The following MUSK variants were observed in gnomAD, a reference collection of about 807,000 sequenced individuals.
The protein encoded by MUSK is muscle, skeletal receptor tyrosine-protein kinase.
Under a neutral mutation model 88.7 loss-of-function variants are expected in MUSK, and 55 were observed. The observed-to-expected ratio is 0.62, with a 90% confidence interval of 0.50 to 0.78. The LOEUF is 0.78. Among genes scored for constraint, MUSK ranks in the 30% least tolerant of loss-of-function variants. The probability of loss-of-function intolerance (pLI) is 0.00; values close to 1 mark genes in which losing one functional copy is unlikely to be tolerated. For missense variants in MUSK, 1,015 were observed against 1,074.3 expected, an observed-to-expected ratio of 0.94 and a Z score of 0.77; for synonymous variants, 387 against 391.9, an observed-to-expected ratio of 0.99 and a Z score of 0.15.
intron 12 of MUSK, among the ~76,000 whole-genome samples, chr9:110,785,261 G>A (rs1281283359): frequency 6.6e-6 from 1 of 152,162 alleles, no homozygotes; most frequent in Non-Finnish European, 1.5e-5. Flanking sequence ...ATAATTTGGA[G>A]GAAAATGGCT....
intron 7 of MUSK, among the ~76,000 whole-genome samples, chr9:110,755,991 T>TAC (rs1587997267): frequency 2.5e-5 from 3 of 119,696 alleles, no homozygotes; most frequent in South Asian, 2.8e-4. Flanking sequence ...TATATATATA[T>TAC]ATATATGAAT....
rs2131955302 is a variant in MUSK at position 110,767,813 on chromosome 9, C to T, written c.921-7C>T. On this transcript the variant is annotated splice_polypyrimidine_tract_variant and splice_region_variant and intron_variant, in intron 8 of 14. Coordinates refer to ENST00000374448, the MANE Select transcript of MUSK (RefSeq NM_005592.4). The stretch of plus-strand genomic sequence containing the variant: ...TGATTAGAAATGTTGTTCATTTCTT[C>T]TTTCAGTAAACCACAGAAAGATAAC... 1 of 1,613,808 alleles carries T rather than the reference C, an allele frequency of 6.2e-7. No homozygotes were observed. Among genetic ancestry groups the T allele is most frequent in the Admixed American group, 1.7e-5 (1 of 60,010 alleles).
chr9:110,697,185 T>A (rs1199317079), intron 4 of MUSK, 140 bp from the exon 5 acceptor site: 8 of 816,960 alleles, frequency 9.8e-6, no homozygotes, highest in Non-Finnish European at 1.4e-5. Flanking sequence ...TTGTATGTTT[T>A]ACATAATAAG....
At chr9:110,734,130 C>A in intron 5 of MUSK, 121 bp from the exon 6 acceptor site, 2 of 1,147,288 alleles carry the variant, frequency 1.7e-6, no homozygotes, top group Non-Finnish European at 1.2e-6. Context: ...ATCCTTAAAA[C>A]AGAGCAAACA....
rs1206302969 is a variant in MUSK, at chr9:110,694,407, CA to C, written c.359-989del. On this transcript the variant is annotated intron_variant, in intron 3 of 14. Coordinates refer to ENST00000374448, the MANE Select transcript of MUSK (RefSeq NM_005592.4). ...TCTCAAAAAAAAAAAAAAAAAAAAACAAAAAAACAAAACCCAACAGGTCATG... is the reference window on the plus strand; with the variant it reads ...TCTCAAAAAAAAAAAAAAAAAAAAACAAAAAACAAAACCCAACAGGTCATG... 1.9e-3 allele frequency among the ~76,000 whole-genome samples: 196 copies of C among 105,378 alleles called. 2 individuals carry two copies. Among genetic ancestry groups the C allele is most frequent in the Non-Finnish European group, 2.8e-3 (147 of 51,890 alleles). The allele number at this position is 105,378 out of a possible 152,430, so 69.1% of individuals were successfully genotyped here.
intron 2 of MUSK, among the ~76,000 whole-genome samples, chr9:110,684,116 C>T (rs751775190): frequency 2.6e-5 from 4 of 152,072 alleles, no homozygotes; most frequent in Non-Finnish European, 5.9e-5. Context: ...AGATTGAAGT[C>T]TTAGATTTAA....
intron 5 of MUSK, among the ~76,000 whole-genome samples, chr9:110,703,850 T>A (rs1407017429): frequency 6.6e-6 from 1 of 152,184 alleles, no homozygotes; most frequent in Admixed American, 6.5e-5. Context: ...CCAGCATTGA[T>A]GAAAGACTTA....
At chr9:110,763,119 A>T (rs2077426033) in intron 8 of MUSK, among the ~76,000 whole-genome samples, 1 of 152,200 alleles carries the variant, frequency 6.6e-6, no homozygotes, top group Admixed American at 6.5e-5. Context: ...ACACCTTTTA[A>T]AGTTTTACTG....
intron 5 of MUSK, among the ~76,000 whole-genome samples, chr9:110,715,280 T>TA (rs982038903): frequency 6.7e-6 from 1 of 149,836 alleles, no homozygotes; most frequent in African/African-American, 2.5e-5. Context: ...TTGCTTTATA[T>TA]AAATCATGTC....
chr9:110,787,476 A>G (rs1302477707), intron 13 of MUSK, among the ~76,000 whole-genome samples: 1 of 152,090 alleles, frequency 6.6e-6, no homozygotes, highest in Admixed American at 6.5e-5. Flanking sequence ...ATTGTTTGAA[A>G]TTGTTGAAAA....
intron 3 of MUSK, among the ~76,000 whole-genome samples, chr9:110,690,434 CAATATAAGTATATATAAATATATATTTA>C (rs1564220111): frequency 5.1e-5 from 2 of 39,600 alleles, no homozygotes; most frequent in Non-Finnish European, 8.3e-5. Flanking sequence ...ATATATATTT[CAATATAAGTATATATAAATATATATTTA>C]AATATAAGTA....
chr9:110,790,241 G>C (rs2077950258), intron 14 of MUSK, among the ~76,000 whole-genome samples: 1 of 152,174 alleles, frequency 6.6e-6, no homozygotes, highest in Non-Finnish European at 1.5e-5. Context: ...GTAACCCCGA[G>C]AAGAGAGGTT....
At chr9:110,722,721 G>A (rs2076830331) in intron 5 of MUSK, among the ~76,000 whole-genome samples, 2 of 151,498 alleles carry the variant, frequency 1.3e-5, no homozygotes, top group South Asian at 4.2e-4. Context: ...CCATCAAAAA[G>A]TGGGCTAAGG....
chr9:110,781,972 T>A (rs2077768426), intron 11 of MUSK, among the ~76,000 whole-genome samples: 1 of 152,222 alleles, frequency 6.6e-6, no homozygotes, highest in Non-Finnish European at 1.5e-5. Flanking sequence ...TCAGTATGTC[T>A]AAACCTGAGT....
intron 14 of MUSK, among the ~76,000 whole-genome samples, chr9:110,788,484 T>C (rs974054875): frequency 6.6e-6 from 1 of 151,808 alleles, no homozygotes; most frequent in Non-Finnish European, 1.5e-5. Flanking sequence ...ATAGAAAAAT[T>C]AGCTGGGTGT....
At chr9:110,734,658 A>C (rs1440872135) in intron 6 of MUSK, among the ~76,000 whole-genome samples, 1 of 152,104 alleles carries the variant, frequency 6.6e-6, no homozygotes, top group African/African-American at 2.4e-5. Context: ...TATAAGTAAA[A>C]TAATTTTCAT....
At chr9:110,754,959 C>A (rs2077292648) in intron 7 of MUSK, among the ~76,000 whole-genome samples, 1 of 152,220 alleles carries the variant, frequency 6.6e-6, no homozygotes, top group African/African-American at 2.4e-5. Flanking sequence ...TTGTTGACAT[C>A]ATTGGCATCA....
chr9:110,770,483 ATTATAG>A (rs1408273659), intron 9 of MUSK, among the ~76,000 whole-genome samples: 1 of 146,834 alleles, frequency 6.8e-6, no homozygotes. Flanking sequence ...TATAATTATA[ATTATAG>A]TTTATAATAA....
At chr9:110,766,300 C>A (rs536900546) in intron 8 of MUSK, among the ~76,000 whole-genome samples, 1 of 152,206 alleles carries the variant, frequency 6.6e-6, no homozygotes, top group East Asian at 1.9e-4. Flanking sequence ...CTTGGGGTGT[C>A]GTTTACTGAG....
Sources: gnomAD v4.1 joint callset for allele counts (sites outside exome capture counted in the v4.1 genomes callset) on GRCh38, gnomAD v4.1.1 for gene constraint, MANE v1.5 for transcripts, NCBI Gene and HGNC (gene_info 2026-07-23, HGNC 2026-07-21) for gene names.